The following CCNG1 variants were observed in gnomAD, a reference collection of about 807,000 sequenced individuals.
CCNG1 encodes the protein cyclin G1, also known as cyclin-G1.
A neutral mutation model predicts 30.0 loss-of-function variants in CCNG1; 13 were observed. The observed-to-expected ratio is 0.43, with a 90% CI of 0.28 to 0.69. The LOEUF (loss-of-function observed/expected upper bound fraction) is 0.69, where lower values mean the gene tolerates loss of function less well. Ranked by LOEUF, CCNG1 falls within the 30% of genes least tolerant of loss-of-function variation. The pLI is 0.16. For synonymous variants in CCNG1, 110 were observed against 121.5 expected, an observed-to-expected ratio of 0.91 and a Z score of 0.62; for missense variants, 285 against 331.4, an observed-to-expected ratio of 0.86 and a Z score of 1.09.
chr5:163,439,253 A>G lies in CCNG1; in HGVS notation c.1-4A>G, dbSNP rs1757676406. The G allele has an allele frequency of 6.2e-7, 1 of 1,610,868 alleles. No homozygotes were observed. The highest frequency in any genetic ancestry group is 8.5e-7 in the Non-Finnish European group (1 of 1,179,256). The stretch of plus-strand genomic sequence containing the variant: ...TCCTTGCTGGTCTTTTTTTCTATAT[A>G]TAGATGATAGAGGTACTGACAACAA... On this transcript the variant is annotated splice_region_variant and splice_polypyrimidine_tract_variant and intron_variant, in intron 1 of 6. Coordinates refer to ENST00000340828, the MANE Select transcript of CCNG1 (RefSeq NM_004060.4).
chr5:163,452,379 CAG>C, the CCNG1 span: 1 of 151,982 alleles, frequency 6.6e-6, no homozygotes, highest in Non-Finnish European at 1.5e-5. Flanking sequence ...TATCTTATGC[CAG>C]AGAGTAACAA....
downstream of CCNG1, chr5:163,447,595 A>C (rs911452200): frequency 1.3e-5 from 2 of 152,364 alleles, no homozygotes; most frequent in Admixed American, 6.5e-5. Flanking sequence ...AAATGGAATA[A>C]TACTAATAAC....
At chr5:163,454,170 A>C in the CCNG1 span, 1 of 470,132 alleles carries the variant, frequency 2.1e-6, no homozygotes, top group Non-Finnish European at 3.8e-6. Context: ...AATATAACAG[A>C]CTTCACTGTT....
At chr5:163,446,213 A>G (rs552605546), downstream of CCNG1, 10 of 152,296 alleles carry the variant, frequency 6.6e-5, no homozygotes, top group East Asian at 1.4e-3. Context: ...AAAGTATCTG[A>G]ACCTTGTACA....
intron 5 of CCNG1, 85 bp downstream of exon 5, chr5:163,442,228 CAT>C (rs1010008828): frequency 2.7e-6 from 3 of 1,107,896 alleles, no homozygotes; most frequent in African/African-American, 3.2e-5. Flanking sequence ...AATGAGATGT[CAT>C]ATGTTTATTT....
At chr5:163,455,145 GAA>G in the CCNG1 span, among the ~76,000 whole-genome samples, 1 of 115,052 alleles carries the variant, frequency 8.7e-6, no homozygotes, top group Admixed American at 8.7e-5. Context: ...AAGTGACACA[GAA>G]AAAAAAAAAA....
chr5:163,453,999 C>A, the CCNG1 span: 2 of 1,559,136 alleles, frequency 1.3e-6, no homozygotes, highest in Non-Finnish European at 8.7e-7. Flanking sequence ...TCTGGTCCAC[C>A]TTTAGTGTAG....
At chr5:163,452,173 T>C in the CCNG1 span, 1 of 152,150 alleles carries the variant, frequency 6.6e-6, no homozygotes, top group Non-Finnish European at 1.5e-5. Flanking sequence ...AGAATTTATA[T>C]GTGAATTCAT....
rs1175739515 is a variant in CCNG1, at chr5:163,444,742, G to A, written c.*1072G>A. 1 of 152,644 alleles carries A rather than the reference G, an allele frequency of 6.6e-6. No homozygotes were observed. Among genetic ancestry groups the A allele is most frequent in the South Asian group, 2.1e-4 (1 of 4,834 alleles). 9.5% of individuals were successfully genotyped at this position (152,644 alleles called of 1,614,324 possible). On this transcript the variant is annotated 3_prime_UTR_variant, in exon 7 of 7. Coordinates refer to ENST00000340828, the MANE Select transcript of CCNG1 (RefSeq NM_004060.4). ...GTTGTAAACAGTTACTCAGTGCAAT[G>A]TATAGCCTGAGTCTATCCATGATGG...
At chr5:163,454,167 C>T in the CCNG1 span, 8 of 478,578 alleles carry the variant, frequency 1.7e-5, no homozygotes, top group East Asian at 2.7e-4. Context: ...GAAAATATAA[C>T]AGACTTCACT....
At chr5:163,447,354 G>A (rs1272265982), downstream of CCNG1, 2 of 151,754 alleles carry the variant, frequency 1.3e-5, no homozygotes, top group African/African-American at 2.4e-5. Flanking sequence ...AGGAGCCTGA[G>A]GTGGGAAGAC....
At chr5:163,445,723 G>C (rs949319488), downstream of CCNG1, among the ~76,000 whole-genome samples, 1 of 143,896 alleles carries the variant, frequency 6.9e-6, no homozygotes, top group Non-Finnish European at 1.5e-5. Flanking sequence ...CTCCCAAAGT[G>C]CTGAGATTAC....
At position 163,442,558 on chromosome 5, in the gene CCNG1, T is replaced by C; in HGVS notation, c.881T>C (p.Val294Ala). 1 of 1,599,492 alleles carries C rather than the reference T, an allele frequency of 6.3e-7. No individual in the cohort carries two copies. The highest frequency in any genetic ancestry group is 1.7e-4 in the Middle Eastern group (1 of 6,006). ...CACCTTCCAACAATTCCTGAAATGG[T>C]CCCTTAACTGGTAAATTTGGTCCGT... ...ITHLPTIPEM[V>A]P The change falls in exon 6 of 7, where the codon GTC becomes GCC. Residue 294 changes from valine (V) to alanine (A), a missense_variant. Transcript: ENST00000340828.
chr5:163,446,648 GTTA>G (rs893150470), downstream of CCNG1: 3 of 152,224 alleles, frequency 2.0e-5, no homozygotes, highest in African/African-American at 7.2e-5. Flanking sequence ...TTGATAAAAT[GTTA>G]TTATTTATTA....
chr5:163,443,194 C>T (rs941463033), intron 6 of CCNG1, among the ~76,000 whole-genome samples: 28 of 151,988 alleles, frequency 1.8e-4, no homozygotes, highest in African/African-American at 6.3e-4. Context: ...CGCCTGTAGT[C>T]CCAGCTACTC....
chr5:163,445,076 A>G (rs571763278), downstream of CCNG1: 74 of 152,342 alleles, frequency 4.9e-4, no homozygotes, highest in Admixed American at 2.0e-3. Context: ...CAATGTGTTA[A>G]CAGAACATTA....
the CCNG1 span, chr5:163,451,660 GTA>G: frequency 2.6e-5 from 4 of 152,190 alleles, no homozygotes; most frequent in Non-Finnish European, 5.9e-5. Flanking sequence ...CTGGAGTGAG[GTA>G]TTAGGGTCCA....
At chr5:163,454,773 T>C in the CCNG1 span, among the ~76,000 whole-genome samples, 1 of 152,242 alleles carries the variant, frequency 6.6e-6, no homozygotes, top group Non-Finnish European at 1.5e-5. Context: ...GGTGGGCTAT[T>C]TCGTTTATCC....
In CCNG1 at chr5:163,444,477, CTAAGG is replaced by C. The variant is rs894964538; in HGVS notation, c.*812_*816del. The C allele has an allele frequency of 3.9e-5, 6 of 152,534 alleles. No homozygotes were observed. Among genetic ancestry groups the C allele is most frequent in the African/African-American group, 1.4e-4 (6 of 41,400 alleles). The allele number at this position is 152,534 out of a possible 1,614,324, so 9.4% of individuals were successfully genotyped here. On this transcript the variant is annotated 3_prime_UTR_variant, in exon 7 of 7. Coordinates refer to ENST00000340828, the MANE Select transcript of CCNG1 (RefSeq NM_004060.4). The stretch of plus-strand genomic sequence containing the variant: ...CACTTCGAAAACTTGCTTTCCCACA[CTAAGG>C]TAAGTTCAGACTAGATTGAACACTC...
Sources: gnomAD v4.1 joint callset for allele counts (sites outside exome capture counted in the v4.1 genomes callset) on GRCh38, gnomAD v4.1.1 for gene constraint, MANE v1.5 for transcripts, NCBI Gene and HGNC (gene_info 2026-07-23, HGNC 2026-07-21) for gene names.